ZNF827: variants seen among roughly 807,000 people sequenced by gnomAD.
ZNF827 encodes zinc finger protein 827.
Under a neutral mutation model 102.4 loss-of-function variants are expected in ZNF827, and 13 were observed. The ratio of observed to expected loss-of-function variants is 0.13; its 90% CI spans 0.08 to 0.20. The LOEUF (loss-of-function observed/expected upper bound fraction) is 0.20, where lower values mean the gene tolerates loss of function less well. ZNF827 is among the 10% of genes least tolerant of loss of function. The pLI, the probability that ZNF827 is intolerant of heterozygous loss-of-function variation, is 1.00. For synonymous variants in ZNF827, 523 were observed against 536.2 expected (o/e 0.98, Z 0.34); for missense variants, 1,103 against 1,344.4 (o/e 0.82, Z 2.81).
chr4:145,765,387 A>T lies in ZNF827; in HGVS notation c.3052+160T>A, dbSNP rs139928609. Among the ~76,000 whole-genome samples the T allele has an allele frequency of 2.0e-5, 3 of 152,198 alleles. No individual in the cohort carries two copies. Among genetic ancestry groups the T allele is most frequent in the Non-Finnish European group, 4.4e-5 (3 of 68,028 alleles). ...TCCTTCCACCCCATACTCGGATTCA[A>T]ATTAAGCCAAAAGAAATACAACCTT... is the stretch of plus-strand genomic sequence containing the variant. On this transcript the variant is annotated intron_variant, in intron 12 of 14. Transcript: ENST00000508784. The surrounding 1 kb of genome is among the most constrained non-coding windows in gnomAD (Gnocchi z 4.7).
At chr4:145,875,650 T>C (rs1323381647) in intron 4 of ZNF827, among the ~76,000 whole-genome samples, 1 of 152,126 alleles carries the variant, frequency 6.6e-6, no homozygotes, top group Non-Finnish European at 1.5e-5. Context: ...TGAAGGAAAA[T>C]GACACCTTTT....
At chr4:145,871,990 A>T (rs930961413) in intron 4 of ZNF827, among the ~76,000 whole-genome samples, 5 of 152,158 alleles carry the variant, frequency 3.3e-5, no homozygotes, top group Non-Finnish European at 5.9e-5. Flanking sequence ...CAAAACTTGA[A>T]AATACTTGAC....
chr4:145,841,789 C>T (rs1235678654), intron 7 of ZNF827, among the ~76,000 whole-genome samples: 3 of 152,160 alleles, frequency 2.0e-5, no homozygotes, highest in African/African-American at 7.2e-5. Context: ...CCACATGATT[C>T]AATCATTCAA....
rs1560881909 is a variant in ZNF827, at chr4:145,761,683, C to G, written c.*18-85G>C. 1.2e-6 allele frequency: 1 copy of G among 840,352 alleles called. No individual in the cohort carries two copies. The highest frequency in any genetic ancestry group is 1.6e-6 in the Non-Finnish European group (1 of 610,284). The allele number at this position is 840,352 out of a possible 1,614,324, so 52.1% of individuals were successfully genotyped here. A position where few individuals can be genotyped will look rare whatever the true frequency, so the allele number is the denominator to read the frequency against. Reference sequence around the variant, plus strand: ...TCTCGCCGCCTCACCAGCCTTCCCTCACACCACCCCCCAGTGTCTGAGGCC... The same window carrying G: ...TCTCGCCGCCTCACCAGCCTTCCCTGACACCACCCCCCAGTGTCTGAGGCC... On this transcript the variant is annotated intron_variant, in intron 14 of 14. Coordinates refer to ENST00000508784, the MANE Select transcript of ZNF827 (RefSeq NM_001306215.2). The surrounding 1 kb of genome is among the most constrained non-coding windows in gnomAD (Gnocchi z 6.8).
At chr4:145,873,221 C>T (rs1003639782) in intron 4 of ZNF827, among the ~76,000 whole-genome samples, 5 of 152,106 alleles carry the variant, frequency 3.3e-5, no homozygotes, top group Non-Finnish European at 5.9e-5. Flanking sequence ...AGGCGTGAGC[C>T]GACACGCCTG....
intron 9 of ZNF827, among the ~76,000 whole-genome samples, chr4:145,778,289 A>G (rs1204773222): frequency 6.6e-6 from 1 of 152,114 alleles, no homozygotes; most frequent in Non-Finnish European, 1.5e-5. Context: ...GTGCACCACC[A>G]CATCCGTCTA....
chr4:145,765,653 A>G lies in ZNF827; in HGVS notation c.2946T>C (p.Asp982=), dbSNP rs776533591. The change falls in exon 12 of 15, where the codon GAT becomes GAC. Residue 982 remains aspartate (D), a synonymous_variant. Transcript: ENST00000508784. The surrounding 1 kb of genome is among the most constrained non-coding windows in gnomAD (Gnocchi z 4.7). ...SALSDSANSK[D]DSDGSQKNKG... Reference sequence around the variant, plus strand: ...TGTTTTTCTGGGAGCCATCTGAATCATCTTTGCTGTTGGCTGAATCACTCA... The same window carrying G: ...TGTTTTTCTGGGAGCCATCTGAATCGTCTTTGCTGTTGGCTGAATCACTCA... The G allele has an allele frequency of 6.2e-7, 1 of 1,614,156 alleles. No homozygotes were observed. Among genetic ancestry groups the G allele is most frequent in the Admixed American group, 1.7e-5 (1 of 60,022 alleles).
rs1205332799 is a variant in ZNF827 at position 145,757,837 on chromosome 4, T to C, written c.*3779A>G. On this transcript the variant is annotated 3_prime_UTR_variant, in exon 15 of 15. Transcript: ENST00000508784. ...ACAGTATGATCATCTGAACATAATA[T>C]GAAGAGTTAAAAAAAGGATAGAAGA... 6.6e-6 allele frequency: 1 copy of C among 151,114 alleles called. No individual in the cohort carries two copies. The highest frequency in any genetic ancestry group is 2.4e-5 in the African/African-American group (1 of 41,194). 9.4% of individuals were successfully genotyped at this position (151,114 alleles called of 1,614,324 possible). A position where few individuals can be genotyped will look rare whatever the true frequency, so the allele number is the denominator to read the frequency against.
At chr4:145,794,091 G>A (rs1007851335) in intron 8 of ZNF827, among the ~76,000 whole-genome samples, 1 of 152,162 alleles carries the variant, frequency 6.6e-6, no homozygotes, top group African/African-American at 2.4e-5. Flanking sequence ...TACGGAACGT[G>A]TACTAGAGCG....
chr4:145,917,845 T>C (rs1314623654), intron 1 of ZNF827, among the ~76,000 whole-genome samples: 5 of 152,138 alleles, frequency 3.3e-5, no homozygotes, highest in Admixed American at 6.6e-5. Flanking sequence ...AATTTTGTAT[T>C]TGAATAAAAA....
intron 5 of ZNF827, among the ~76,000 whole-genome samples, chr4:145,861,720 C>T (rs1484451263): frequency 6.6e-6 from 1 of 152,132 alleles, no homozygotes; most frequent in Admixed American, 6.5e-5. Flanking sequence ...TGCAGCCCTA[C>T]CCACTCCCTG....
In ZNF827 at chr4:145,759,494, A is replaced by T. The variant is rs1004694997; in HGVS notation, c.*2122T>A. The T allele has an allele frequency of 6.6e-6, 1 of 152,186 alleles. No individual in the cohort carries two copies. Among genetic ancestry groups the T allele is most frequent in the Non-Finnish European group, 1.5e-5 (1 of 68,024 alleles). The allele number at this position is 152,186 out of a possible 1,614,324, so 9.4% of individuals were successfully genotyped here. A position where few individuals can be genotyped will look rare whatever the true frequency, so the allele number is the denominator to read the frequency against. On this transcript the variant is annotated 3_prime_UTR_variant, in exon 15 of 15. Coordinates refer to ENST00000508784, the MANE Select transcript of ZNF827 (RefSeq NM_001306215.2). The stretch of plus-strand genomic sequence containing the variant: ...AAAATGGAATACAGAATTACTAATA[A>T]CATGGAGGATACCACGATTAGCCAG...
chr4:145,898,933 T>C (rs1235274735), intron 2 of ZNF827, among the ~76,000 whole-genome samples: 1 of 152,184 alleles, frequency 6.6e-6, no homozygotes, highest in Non-Finnish European at 1.5e-5. Flanking sequence ...AGAATCAACT[T>C]TATATGCTTT....
At chr4:145,918,878 C>T (rs1473538368) in intron 1 of ZNF827, among the ~76,000 whole-genome samples, 1 of 152,202 alleles carries the variant, frequency 6.6e-6, no homozygotes, top group Non-Finnish European at 1.5e-5. Context: ...TGGTGCAAAT[C>T]CTCTATGAAT....
Position 145,809,725 on chromosome 4 carries a change from C to T in ZNF827, c.2383+13697G>A, listed in dbSNP as rs187412629. ...GACCCCACCCAGACCCATGACTCAA[C>T]CAGTCCTGTGGCCCCCATCCAGAGG... On this transcript the variant is annotated intron_variant, in intron 8 of 14. Transcript: ENST00000508784. 4.9e-4 allele frequency among the ~76,000 whole-genome samples: 74 copies of T among 152,268 alleles called. No individual in the cohort carries two copies. In the East Asian group the frequency reaches 9.8e-3, roughly 20 times the overall value.
intron 4 of ZNF827, among the ~76,000 whole-genome samples, chr4:145,872,889 A>G (rs1748824261): frequency 1.3e-5 from 2 of 151,622 alleles, no homozygotes; most frequent in Non-Finnish European, 2.9e-5. Context: ...AAACAAAAAC[A>G]AAAACAAAAA....
chr4:145,879,454 A>G (rs1018943720), intron 4 of ZNF827, among the ~76,000 whole-genome samples: 1 of 152,178 alleles, frequency 6.6e-6, no homozygotes, highest in African/African-American at 2.4e-5. Flanking sequence ...TTGTTTTTAC[A>G]GATACAATAG....
At chr4:145,859,394 C>T (rs1438286260) in intron 5 of ZNF827, among the ~76,000 whole-genome samples, 1 of 152,150 alleles carries the variant, frequency 6.6e-6, no homozygotes, top group African/African-American at 2.4e-5. Flanking sequence ...TTCATTTAAA[C>T]CCCCAAGAAA....
At chr4:145,802,237 A>G (rs904481015) in intron 8 of ZNF827, among the ~76,000 whole-genome samples, 1 of 152,252 alleles carries the variant, frequency 6.6e-6, no homozygotes, top group Non-Finnish European at 1.5e-5. Context: ...TTTCAGAGAC[A>G]CTGTTCTTCA....
Sources: gnomAD v4.1 joint callset for allele counts (sites outside exome capture counted in the v4.1 genomes callset) on GRCh38, gnomAD v4.1.1 for gene constraint, Gnocchi (gnomAD v3.1) non-coding constraint, MANE v1.5 for transcripts, NCBI Gene and HGNC (gene_info 2026-07-23, HGNC 2026-07-21) for gene names.